HTT-AS: variants seen among roughly 807,000 people sequenced by gnomAD.
HTT-AS encodes the protein HTT antisense RNA (head to head).
intron 1 of HTT-AS, among the ~76,000 whole-genome samples, chr4:3,073,890 G>A (rs943539008): frequency 4.6e-5 from 7 of 152,184 alleles, no homozygotes; most frequent in African/African-American, 1.4e-4. Flanking sequence ...CAGTGTGGCG[G>A]GAGGGCAAAC....
intron 2 of HTT-AS, among the ~76,000 whole-genome samples, chr4:3,060,491 G>A (rs1444067110): frequency 6.6e-6 from 1 of 152,186 alleles, no homozygotes; most frequent in Non-Finnish European, 1.5e-5. Context: ...CCAAGGTTGA[G>A]GGTGCACACC....
At chr4:3,054,101 C>A (rs1711765200) in intron 2 of HTT-AS, among the ~76,000 whole-genome samples, 1 of 151,874 alleles carries the variant, frequency 6.6e-6, no homozygotes. Flanking sequence ...TTTGACTTTT[C>A]TAAATTGTTC....
intron 1 of HTT-AS, chr4:3,069,922 C>T (rs1578471001): frequency 6.6e-6 from 1 of 152,634 alleles, no homozygotes; most frequent in East Asian, 1.9e-4. Context: ...TCATTTCCCC[C>T]TGGGGTCTGC....
chr4:3,064,395 A>G (rs1712004235), intron 1 of HTT-AS, among the ~76,000 whole-genome samples: 1 of 152,182 alleles, frequency 6.6e-6, no homozygotes, highest in African/African-American at 2.4e-5. Context: ...TGCCTGGCCA[A>G]AAGACATTGT....
At chr4:3,067,751 G>A (rs377592485) in intron 1 of HTT-AS, among the ~76,000 whole-genome samples, 22 of 152,302 alleles carry the variant, frequency 1.4e-4, no homozygotes, top group African/African-American at 4.8e-4. Context: ...CTGCGTTCCA[G>A]AACTTCTGGA....
intron 2 of HTT-AS, among the ~76,000 whole-genome samples, chr4:3,060,979 C>T (rs1210004567): frequency 6.6e-6 from 1 of 152,216 alleles, no homozygotes; most frequent in Non-Finnish European, 1.5e-5. Context: ...GGAAGACCCA[C>T]TGGGGCACCC....
intron 1 of HTT-AS, among the ~76,000 whole-genome samples, chr4:3,074,202 T>C (rs1439556218): frequency 8.7e-6 from 1 of 115,166 alleles, no homozygotes; most frequent in African/African-American, 3.4e-5. Flanking sequence ...CCGGCCTGCC[T>C]AATGTCCCCG....
chr4:3,059,729 C>T (rs1425798034), intron 2 of HTT-AS, among the ~76,000 whole-genome samples: 1 of 151,990 alleles, frequency 6.6e-6, no homozygotes, highest in African/African-American at 2.4e-5. Flanking sequence ...TGCACCACCA[C>T]ACCCAGCTAA....
downstream of HTT-AS, among the ~76,000 whole-genome samples, chr4:3,047,621 T>C (rs528052175): frequency 1.0e-3 from 159 of 152,278 alleles, no homozygotes; most frequent in Non-Finnish European, 1.7e-3. Context: ...CACCTGTTAC[T>C]TAGCCGACCA....
chr4:3,071,127 G>A lies in HTT-AS; in HGVS notation n.113+3299C>T, dbSNP rs544822237. 3.9e-4 allele frequency among the ~76,000 whole-genome samples: 60 copies of A among 152,322 alleles called. 1 individual carries two copies. Among genetic ancestry groups the A allele is most frequent in the Admixed American group, 3.7e-3 (56 of 15,302 alleles). The stretch of plus-strand genomic sequence containing the variant: ...ATTTGTTGTGGCCATGTAAAGTCCC[G>A]ATGATCCATTGCCTCCCTGGATGGG... On this transcript the variant is annotated intron_variant and non_coding_transcript_variant, in intron 1 of 2. Coordinates refer to ENST00000664062, the Ensembl canonical transcript of HTT-AS.
At chr4:3,053,257 G>C (rs1369497713) in intron 2 of HTT-AS, among the ~76,000 whole-genome samples, 2 of 152,196 alleles carry the variant, frequency 1.3e-5, no homozygotes, top group Non-Finnish European at 2.9e-5. Context: ...TAATTGCCAG[G>C]CACATTGGCT....
rs565507520 is a variant in HTT-AS, at chr4:3,051,368, T to G, written n.1381-1670A>C. Among the ~76,000 whole-genome samples the G allele has an allele frequency of 1.3e-4, 20 of 152,216 alleles. No homozygotes were observed. In the South Asian group the frequency reaches 4.1e-3, roughly 32 times the overall value. ...GTGTGAGCCACCGCGCCTGGCCTTT[T>G]GCCAGTTTGATATTTGGTGCCCCCA... On this transcript the variant is annotated intron_variant and non_coding_transcript_variant, in intron 2 of 2. Coordinates refer to ENST00000664062, the Ensembl canonical transcript of HTT-AS.
At chr4:3,048,916 T>C (rs912347717), downstream of HTT-AS, among the ~76,000 whole-genome samples, 5 of 152,212 alleles carry the variant, frequency 3.3e-5, no homozygotes, top group Non-Finnish European at 7.3e-5. Flanking sequence ...CGATATTCTG[T>C]TTCTGACTGA....
intron 1 of HTT-AS, among the ~76,000 whole-genome samples, chr4:3,073,474 C>T (rs913172719): frequency 1.3e-5 from 2 of 152,228 alleles, no homozygotes; most frequent in African/African-American, 4.8e-5. Flanking sequence ...GGGGTCCTGC[C>T]GGAAGGTCAG....
At chr4:3,063,828 T>C (rs917474823) in intron 1 of HTT-AS, 1 of 152,160 alleles carries the variant, frequency 6.6e-6, no homozygotes, top group African/African-American at 2.4e-5. Context: ...TGAGCCCCCA[T>C]GCTGGCCAAT....
chr4:3,067,118 G>A (rs976012621), intron 1 of HTT-AS, among the ~76,000 whole-genome samples: 6 of 152,184 alleles, frequency 3.9e-5, no homozygotes, highest in Admixed American at 1.3e-4. Context: ...GGTAAAGCAA[G>A]GGTTTAACAG....
chr4:3,059,820 G>C (rs988852050), intron 2 of HTT-AS, among the ~76,000 whole-genome samples: 1 of 152,082 alleles, frequency 6.6e-6, no homozygotes, highest in Non-Finnish European at 1.5e-5. Flanking sequence ...TGGTCCACCT[G>C]CCTTGGCCTC....
intron 1 of HTT-AS, among the ~76,000 whole-genome samples, chr4:3,074,253 C>T (rs1375516206): frequency 9.0e-5 from 12 of 132,612 alleles, no homozygotes; most frequent in Non-Finnish European, 1.3e-4. Flanking sequence ...TCGCCCCGCC[C>T]CTCAGGCGGC....
chr4:3,054,388 A>T (rs2110120857), intron 2 of HTT-AS, among the ~76,000 whole-genome samples: 1 of 152,264 alleles, frequency 6.6e-6, no homozygotes, highest in Admixed American at 6.5e-5. Context: ...CAAAAGTAAA[A>T]GATGCTAAGA....
Sources: gnomAD v4.1 joint callset for allele counts (sites outside exome capture counted in the v4.1 genomes callset) on GRCh38, gnomAD v4.1.1 for gene constraint, MANE v1.5 for transcripts, NCBI Gene and HGNC (gene_info 2026-07-23, HGNC 2026-07-21) for gene names.